The following PLD1 variants were observed in gnomAD, a reference collection of about 807,000 sequenced individuals.
PLD1 encodes the protein phospholipase D1, also known as choline phosphatase 1.
Under a neutral mutation model 137.1 loss-of-function variants are expected in PLD1, and 112 were observed. The observed-to-expected ratio is 0.82, with a 90% CI of 0.70 to 0.96. The LOEUF is 0.96. Among genes scored for constraint, PLD1 ranks in the 40% least tolerant of loss-of-function variants. The pLI is 0.00. For missense variants in PLD1, 1,321 were observed against 1,342.0 expected, an observed-to-expected ratio of 0.98 and a Z score of 0.24; for synonymous variants, 431 against 454.7, an observed-to-expected ratio of 0.95 and a Z score of 0.66.
intron 12 of PLD1, 59 bp downstream of exon 12, chr3:171,699,686 A>T: frequency 8.2e-7 from 1 of 1,215,476 alleles, no homozygotes; most frequent in Non-Finnish European, 1.2e-6. Flanking sequence ...AAAGAAAAGC[A>T]TTTCAGAGAC....
rs1711927747 is a variant in PLD1, at chr3:171,664,790, A to ATTTTTAAATTAT, written c.2230-2621_2230-2620insATAATTTAAAAA. Among the ~76,000 whole-genome samples, 4 of 152,296 alleles carry ATTTTTAAATTAT rather than the reference A, an allele frequency of 2.6e-5. No individual in the cohort carries two copies. The South Asian group carries it at 8.3e-4, about 32-fold the overall frequency. ...TCCATGATGTTTAAATGACTTGTCC[A>ATTTTTAAATTAT]AGGTGTAAGAGAATTTACATATAAT... On this transcript the variant is annotated intron_variant, in intron 19 of 26. Transcript: ENST00000351298.
chr3:171,795,701 C>T (rs1230193250), intron 1 of PLD1, among the ~76,000 whole-genome samples: 1 of 152,176 alleles, frequency 6.6e-6, no homozygotes, highest in Non-Finnish European at 1.5e-5. Context: ...ATACTCTTAC[C>T]CATTTCTTGT....
intron 1 of PLD1, among the ~76,000 whole-genome samples, chr3:171,775,070 A>C (rs1245368850): frequency 2.6e-5 from 4 of 152,162 alleles, no homozygotes; most frequent in African/African-American, 4.8e-5. Context: ...AATTTAAGGC[A>C]AGGCTAAGGG....
At chr3:171,738,510 TAG>T (rs2108267458) in intron 1 of PLD1, among the ~76,000 whole-genome samples, 1 of 152,300 alleles carries the variant, frequency 6.6e-6, no homozygotes, top group African/African-American at 2.4e-5. Flanking sequence ...AAAGAAAATT[TAG>T]AGTATTTCAC....
chr3:171,657,305 G>A (rs1298549521), intron 21 of PLD1, among the ~76,000 whole-genome samples: 1 of 152,144 alleles, frequency 6.6e-6, no homozygotes, highest in East Asian at 1.9e-4. Context: ...ATGTCCTTAA[G>A]TATAAAAGTC....
intron 1 of PLD1, among the ~76,000 whole-genome samples, chr3:171,777,060 T>C (rs980596831): frequency 6.6e-6 from 1 of 152,124 alleles, no homozygotes; most frequent in Non-Finnish European, 1.5e-5. Flanking sequence ...TCTGACACAA[T>C]ACAGTAACTT....
At chr3:171,654,757 C>T (rs188912555) in intron 21 of PLD1, among the ~76,000 whole-genome samples, 28 of 152,168 alleles carry the variant, frequency 1.8e-4, no homozygotes, top group African/African-American at 4.3e-4. Context: ...CTGGCTTCAA[C>T]TCTGAGACAG....
intron 3 of PLD1, among the ~76,000 whole-genome samples, chr3:171,736,143 T>G (rs1009757704): frequency 9.2e-5 from 14 of 152,186 alleles, no homozygotes. Context: ...CAGCCTTGTC[T>G]ATACCACCCA....
chr3:171,604,936 C>T (rs1391878845), intron 26 of PLD1, among the ~76,000 whole-genome samples: 3 of 152,196 alleles, frequency 2.0e-5, no homozygotes, highest in East Asian at 3.8e-4. Context: ...ACACCAGCAA[C>T]GGGGTGAGCT....
rs1011131458 is a variant in PLD1, at chr3:171,601,946, C to T, written c.*1132G>A. 6.6e-6 allele frequency: 1 copy of T among 152,170 alleles called. No homozygotes were observed. 9.4% of individuals were successfully genotyped at this position (152,170 alleles called of 1,614,324 possible). On this transcript the variant is annotated 3_prime_UTR_variant, in exon 27 of 27. Coordinates refer to ENST00000351298, the MANE Select transcript of PLD1 (RefSeq NM_002662.5). Reference sequence around the variant, plus strand: ...GAAGCCCTGGTGAGAGGCGTTAATACATATTTAATAATGTAAGTGAAGTAG... The same window carrying T: ...GAAGCCCTGGTGAGAGGCGTTAATATATATTTAATAATGTAAGTGAAGTAG...
In PLD1 at chr3:171,709,598, C is replaced by T. The variant is rs760973278; in HGVS notation, c.1023G>A (p.Gly341=). Residue 341 remains glycine (G), a synonymous_variant, in exon 10 of 27, where the codon GGG becomes GGA. Transcript: ENST00000351298. ...GTNFLKDHRF[G]SYAAIQENAL... ...CATTCTCTTGGATAGCAGCATATGA[C>T]CCAAATCGATGATCTTTGAGAAAGT... 1.2e-6 allele frequency: 2 copies of T among 1,614,014 alleles called. No individual in the cohort carries two copies. The highest frequency in any genetic ancestry group is 1.7e-6 in the Non-Finnish European group (2 of 1,179,904).
intron 12 of PLD1, among the ~76,000 whole-genome samples, chr3:171,699,262 G>C (rs16856578): frequency 2.0e-5 from 3 of 151,908 alleles, no homozygotes; most frequent in African/African-American, 7.3e-5. Flanking sequence ...ATTTTTACCA[G>C]GAACTTTACC....
At chr3:171,645,061 T>C (rs1736089731) in intron 21 of PLD1, 38 bp from the exon 22 acceptor site, 3 of 1,302,302 alleles carry the variant, frequency 2.3e-6, no homozygotes, top group Non-Finnish European at 3.4e-6. Flanking sequence ...ACCCAAAAAA[T>C]AAAAGGTAGT....
intron 8 of PLD1, among the ~76,000 whole-genome samples, chr3:171,716,205 G>A (rs1295262387): frequency 1.3e-5 from 2 of 152,128 alleles, no homozygotes; most frequent in African/African-American, 4.8e-5. Flanking sequence ...AAATACACAT[G>A]CACTGAGTCT....
rs190211620 is a variant in PLD1 at position 171,724,637 on chromosome 3, C to G, written c.758+59G>C. 4.2e-6 allele frequency: 4 copies of G among 952,678 alleles called. No homozygotes were observed. The African/African-American group carries it at 6.4e-5, about 15-fold the overall frequency. 59.0% of individuals were successfully genotyped at this position (952,678 alleles called of 1,614,324 possible). On this transcript the variant is annotated intron_variant, in intron 8 of 26. Transcript: ENST00000351298. Reference sequence around the variant, plus strand: ...TATAATTTAAAACTGGTATGTAAAACTAGCCCAAATACCCAGTGTATTAAA... The same window carrying G: ...TATAATTTAAAACTGGTATGTAAAAGTAGCCCAAATACCCAGTGTATTAAA...
intron 1 of PLD1, among the ~76,000 whole-genome samples, chr3:171,798,369 T>C (rs1207967078): frequency 2.6e-5 from 4 of 152,172 alleles, no homozygotes; most frequent in Non-Finnish European, 4.4e-5. Context: ...AATTTTAAAT[T>C]ATGGTCAAAT....
intron 1 of PLD1, among the ~76,000 whole-genome samples, chr3:171,779,919 G>A (rs1722729043): frequency 6.6e-6 from 1 of 151,720 alleles, no homozygotes; most frequent in Non-Finnish European, 1.5e-5. Flanking sequence ...ATTCAGGACT[G>A]GGGTTTGGAG....
intron 1 of PLD1, among the ~76,000 whole-genome samples, chr3:171,764,877 AAGAAAG>A (rs1721752624): frequency 3.5e-5 from 1 of 28,570 alleles, no homozygotes; most frequent in African/African-American, 1.4e-4. Context: ...GAAAGAAAGA[AAGAAAG>A]AAAGAAAGAA....
Position 171,724,715 on chromosome 3 carries a change from A to G in PLD1, c.739T>C (p.Cys247Arg), listed in dbSNP as rs772902134. 1 of 1,605,540 alleles carries G rather than the reference A, an allele frequency of 6.2e-7. No individual in the cohort carries two copies. Among genetic ancestry groups the G allele is most frequent in the Admixed American group, 1.7e-5 (1 of 59,998 alleles). ...TCCTACCTTTTTGACCATCTGTAGC[A>G]GGCTCTTCCCTGACCACAGCAATTC... The part of the protein sequence containing the change: ...GLNCCGQGRA[C>R]YRWSKRWLIV... Residue 247 changes from cysteine (C) to arginine (R), a missense_variant, in exon 8 of 27, where the codon TGC becomes CGC. Cys to Arg is a radical substitution (Grantham distance 180, BLOSUM62 -3). Coordinates refer to ENST00000351298, the MANE Select transcript of PLD1 (RefSeq NM_002662.5).
Sources: allele counts gnomAD v4.1 joint callset (sites outside exome capture counted in the v4.1 genomes callset), GRCh38; gene constraint gnomAD v4.1.1; transcripts MANE v1.5; gene names NCBI Gene and HGNC (gene_info 2026-07-23, HGNC 2026-07-21).